The following ANKS1B variants were observed in gnomAD, a reference collection of about 807,000 sequenced individuals.
The protein encoded by ANKS1B is ankyrin repeat and sterile alpha motif domain-containing protein 1B.
In ANKS1B, 36 loss-of-function variants were observed where a neutral mutation model predicts 148.3. The ratio of observed to expected loss-of-function variants is 0.24; its 90% confidence interval spans 0.19 to 0.32. ANKS1B has a LOEUF of 0.32. ANKS1B is among the 10% of genes least tolerant of loss of function. The probability of loss-of-function intolerance (pLI) is 1.00; values close to 1 mark genes in which losing one functional copy is unlikely to be tolerated. For missense variants in ANKS1B, 1,157 were observed against 1,542.6 expected (o/e 0.75, Z 4.19); for synonymous variants, 542 against 560.8 (o/e 0.97, Z 0.47).
chr12:98,865,059 G>C (rs1207324884), intron 17 of ANKS1B, among the ~76,000 whole-genome samples: 3 of 152,060 alleles, frequency 2.0e-5, no homozygotes, highest in Non-Finnish European at 4.4e-5. Flanking sequence ...TTCTGCTGGA[G>C]AGAAGCCCTG....
At chr12:98,890,005 G>C (rs527369976) in intron 17 of ANKS1B, among the ~76,000 whole-genome samples, 1 of 152,118 alleles carries the variant, frequency 6.6e-6, no homozygotes, top group African/African-American at 2.4e-5. Flanking sequence ...TAAGAGCAGC[G>C]AACGAGAGGA....
intron 17 of ANKS1B, among the ~76,000 whole-genome samples, chr12:98,843,846 T>C (rs950184440): frequency 1.3e-5 from 2 of 152,176 alleles, no homozygotes; most frequent in Non-Finnish European, 2.9e-5. Flanking sequence ...TTTGTACTGA[T>C]CTAAATGAAA....
At chr12:99,580,455 A>C (rs1437269922) in intron 9 of ANKS1B, among the ~76,000 whole-genome samples, 2 of 152,196 alleles carry the variant, frequency 1.3e-5, no homozygotes, top group African/African-American at 2.4e-5. Flanking sequence ...TGCTCAAAGA[A>C]ATTTGAAACT....
intron 17 of ANKS1B, among the ~76,000 whole-genome samples, chr12:98,913,088 G>T (rs1483001160): frequency 6.6e-6 from 1 of 152,102 alleles, no homozygotes; most frequent in Admixed American, 6.5e-5. Flanking sequence ...ACCATTCAAA[G>T]CATTTGAATA....
chr12:99,134,693 A>G lies in ANKS1B; in HGVS notation c.2526+19596T>C, dbSNP rs528839719. ...CACACACACACACACACACACACAC[A>G]CACACACCAGGCATTTACCCTCCAT... On this transcript the variant is annotated intron_variant, in intron 15 of 26. Coordinates refer to ENST00000683438, the MANE Select transcript of ANKS1B (RefSeq NM_001352186.2). Among the ~76,000 whole-genome samples, 164 of 119,246 alleles carry G rather than the reference A, an allele frequency of 1.4e-3. 1 individual carries two copies. The highest frequency in any genetic ancestry group is 2.5e-3 in the South Asian group (8 of 3,234). The allele number at this position is 119,246 out of a possible 152,430, so 78.2% of individuals were successfully genotyped here. A position where few individuals can be genotyped will look rare whatever the true frequency, so the allele number is the denominator to read the frequency against.
intron 9 of ANKS1B, among the ~76,000 whole-genome samples, chr12:99,612,259 A>C (rs186232724): frequency 6.4e-4 from 98 of 152,244 alleles, no homozygotes; most frequent in Non-Finnish European, 1.1e-3. Flanking sequence ...GTAAGTTTTT[A>C]TTTGACATAG....
At chr12:99,585,923 G>A (rs747948309) in intron 9 of ANKS1B, among the ~76,000 whole-genome samples, 5 of 152,188 alleles carry the variant, frequency 3.3e-5, no homozygotes, top group Admixed American at 6.5e-5. Context: ...GGGCCTGGAT[G>A]AGGGGGGCTG....
intron 9 of ANKS1B, among the ~76,000 whole-genome samples, chr12:99,588,400 G>GA (rs1190222274): frequency 6.8e-6 from 1 of 146,340 alleles, no homozygotes; most frequent in Non-Finnish European, 1.5e-5. Flanking sequence ...TGTGTTCAGA[G>GA]AAAAAATGTA....
intron 1 of ANKS1B, among the ~76,000 whole-genome samples, chr12:99,889,441 A>C (rs2092989683): frequency 6.6e-6 from 1 of 152,186 alleles, no homozygotes; most frequent in African/African-American, 2.4e-5. Flanking sequence ...CTTTTTTTGC[A>C]TATATGTCAC....
chr12:99,368,468 A>T (rs1417176728), intron 12 of ANKS1B, among the ~76,000 whole-genome samples: 3 of 152,126 alleles, frequency 2.0e-5, no homozygotes, highest in Non-Finnish European at 2.9e-5. Flanking sequence ...ATGCTAGGAT[A>T]AAACAAACAT....
At chr12:99,329,119 T>C (rs1378962392) in intron 12 of ANKS1B, among the ~76,000 whole-genome samples, 1 of 151,902 alleles carries the variant, frequency 6.6e-6, no homozygotes, top group Non-Finnish European at 1.5e-5. Flanking sequence ...TGGCCTAATA[T>C]ATGTGTAATT....
intron 10 of ANKS1B, among the ~76,000 whole-genome samples, chr12:99,463,598 T>A (rs1228464908): frequency 6.6e-6 from 1 of 152,140 alleles, no homozygotes; most frequent in Non-Finnish European, 1.5e-5. Flanking sequence ...AATACTGCGC[T>A]TTTCCGACAG....
chr12:98,749,122 G>A (rs1038737677), intron 26 of ANKS1B, among the ~76,000 whole-genome samples: 6 of 151,724 alleles, frequency 4.0e-5, no homozygotes, highest in Non-Finnish European at 7.4e-5. Context: ...TTTTTGAGAC[G>A]GAGTCCTGCT....
At chr12:99,962,210 C>T (rs926273924) in intron 1 of ANKS1B, among the ~76,000 whole-genome samples, 19 of 152,094 alleles carry the variant, frequency 1.2e-4, no homozygotes, top group African/African-American at 4.6e-4. Flanking sequence ...AACCCTCCCA[C>T]CCCCATCAGG....
At chr12:98,883,362 TA>T in intron 17 of ANKS1B, among the ~76,000 whole-genome samples, 1 of 152,184 alleles carries the variant, frequency 6.6e-6, no homozygotes, top group Admixed American at 6.5e-5. Flanking sequence ...AATCTGAAAG[TA>T]ATTCTTTCTG....
intron 22 of ANKS1B, chr12:98,794,525 A>T: frequency 1.7e-6 from 1 of 602,212 alleles, no homozygotes. Flanking sequence ...GGGCCCATCC[A>T]CCCTGGCCAT....
chr12:99,585,369 G>A (rs1045168764), intron 9 of ANKS1B, among the ~76,000 whole-genome samples: 1 of 152,160 alleles, frequency 6.6e-6, no homozygotes, highest in South Asian at 2.1e-4. Context: ...CATGGCCTTG[G>A]ACAGCTCCGC....
chr12:99,045,716 T>G (rs2153507625), intron 17 of ANKS1B, among the ~76,000 whole-genome samples: 2 of 152,266 alleles, frequency 1.3e-5, no homozygotes, highest in East Asian at 3.9e-4. Context: ...AAACAATGGT[T>G]TTCAAGGCAA....
chr12:99,897,292 T>C (rs570493231), intron 1 of ANKS1B, among the ~76,000 whole-genome samples: 4 of 151,358 alleles, frequency 2.6e-5, no homozygotes, highest in Admixed American at 1.3e-4. Flanking sequence ...CAAAATTATA[T>C]TCAAAATGGA....
Sources: allele counts gnomAD v4.1 joint callset (sites outside exome capture counted in the v4.1 genomes callset), GRCh38; gene constraint gnomAD v4.1.1; transcripts MANE v1.5; gene names NCBI Gene and HGNC (gene_info 2026-07-23, HGNC 2026-07-21).